Variants in RNLS observed in about 807,000 individuals in gnomAD.
The protein encoded by RNLS is renalase, FAD dependent amine oxidase.
RNLS carries 39 observed loss-of-function variants against 39.8 expected under a neutral mutation model. The ratio of observed to expected loss-of-function variants is 0.98; its 90% confidence interval spans 0.76 to 1.28. The LOEUF is 1.28. Among genes scored for constraint, RNLS ranks in the 50% most tolerant of loss-of-function variants. The probability of loss-of-function intolerance (pLI) is 0.00; values close to 1 mark genes in which losing one functional copy is unlikely to be tolerated. For synonymous variants in RNLS, 147 were observed against 150.7 expected (o/e 0.98, Z 0.18); for missense variants, 410 against 413.3 (o/e 0.99, Z 0.07).
chr10:88,554,692 T>C (rs761999293), intron 4 of RNLS, among the ~76,000 whole-genome samples: 4 of 151,982 alleles, frequency 2.6e-5, no homozygotes, highest in Non-Finnish European at 5.9e-5. Flanking sequence ...CCCTCCTTTG[T>C]GTATTATTTT....
At position 88,390,440 on chromosome 10, in the gene RNLS, A is replaced by G. The variant is rs1035097303; in HGVS notation, c.527-27715T>C. 1.3e-5 allele frequency among the ~76,000 whole-genome samples: 2 copies of G among 152,344 alleles called. 1 individual carries two copies. Among genetic ancestry groups the G allele is most frequent in the South Asian group, 4.1e-4 (2 of 4,822 alleles). On this transcript the variant is annotated intron_variant, in intron 4 of 6. Coordinates refer to ENST00000331772, the MANE Select transcript of RNLS (RefSeq NM_001031709.3). The stretch of plus-strand genomic sequence containing the variant: ...GGGGAAAAAAGTGTTTGAGCATCCA[A>G]TCCCCCAAAGTGTCTGCAAATTATT...
chr10:88,541,731 G>C (rs1224660704), intron 4 of RNLS, among the ~76,000 whole-genome samples: 2 of 152,152 alleles, frequency 1.3e-5, no homozygotes, highest in Non-Finnish European at 2.9e-5. Context: ...ATGTATTCTT[G>C]TCTGGGTCTG....
chr10:88,354,715 T>C (rs1849012808), intron 5 of RNLS, among the ~76,000 whole-genome samples: 1 of 152,132 alleles, frequency 6.6e-6, no homozygotes, highest in Non-Finnish European at 1.5e-5. Context: ...TTCTCGACAA[T>C]TATCTTTGTG....
At chr10:88,579,284 C>A (rs1025533547) in intron 3 of RNLS, among the ~76,000 whole-genome samples, 1 of 152,176 alleles carries the variant, frequency 6.6e-6, no homozygotes, top group African/African-American at 2.4e-5. Context: ...ATGACCCTCT[C>A]TGGAACTGTT....
intron 4 of RNLS, among the ~76,000 whole-genome samples, chr10:88,529,348 G>A (rs1476963227): frequency 6.6e-6 from 1 of 152,166 alleles, no homozygotes; most frequent in Non-Finnish European, 1.5e-5. Flanking sequence ...GCCTCTGACT[G>A]GGTGGGCAGG....
rs559627798 is a variant in RNLS, at chr10:88,449,659, C to T, written c.527-86934G>A. Among the ~76,000 whole-genome samples the T allele has an allele frequency of 5.5e-4, 83 of 152,240 alleles. 1 individual carries two copies. Among genetic ancestry groups the T allele is most frequent in the African/African-American group, 1.1e-3 (45 of 41,542 alleles). ...CAGGTGCTCTGAGGAATATAAAAGA[C>T]GTCTCTGACTTCTCTGCCCTAAGGA... On this transcript the variant is annotated intron_variant, in intron 4 of 6. Coordinates refer to ENST00000331772, the MANE Select transcript of RNLS (RefSeq NM_001031709.3).
intron 4 of RNLS, among the ~76,000 whole-genome samples, chr10:88,443,547 G>C (rs1229110418): frequency 6.6e-6 from 1 of 152,216 alleles, no homozygotes; most frequent in East Asian, 1.9e-4. Flanking sequence ...CAAGGGGTCA[G>C]GGAATTTCCT....
chr10:88,395,402 T>G (rs72820020), intron 4 of RNLS, among the ~76,000 whole-genome samples: 11,101 of 151,600 alleles, frequency 0.073, 565 homozygotes, highest in Admixed American at 0.15. Context: ...AATAAATAGA[T>G]AGAAATATAA....
At chr10:88,424,591 C>T (rs1283762416) in intron 4 of RNLS, among the ~76,000 whole-genome samples, 1 of 152,080 alleles carries the variant, frequency 6.6e-6, no homozygotes, top group East Asian at 1.9e-4. Flanking sequence ...AGTGTTCTAT[C>T]ACATCTAAAA....
intron 4 of RNLS, among the ~76,000 whole-genome samples, chr10:88,527,019 T>G (rs1278629948): frequency 6.6e-6 from 1 of 151,888 alleles, no homozygotes. Context: ...GATCTGCATA[T>G]TTCTTCCTCC....
intron 6 of RNLS, among the ~76,000 whole-genome samples, chr10:88,277,227 A>G (rs1238688986): frequency 6.6e-6 from 1 of 152,212 alleles, no homozygotes; most frequent in East Asian, 1.9e-4. Context: ...TCACAAGGAC[A>G]GAAAACCAAA....
At chr10:88,203,593 T>C in the RNLS span, among the ~76,000 whole-genome samples, 1 of 149,224 alleles carries the variant, frequency 6.7e-6, no homozygotes, top group South Asian at 2.1e-4. Flanking sequence ...AAAATAAAGA[T>C]TCCAGAGCTC....
chr10:88,245,004 G>A, the RNLS span, among the ~76,000 whole-genome samples: 18 of 152,264 alleles, frequency 1.2e-4, no homozygotes, highest in South Asian at 3.3e-3. Flanking sequence ...CAGTTGAGTG[G>A]TCAGATGTCA....
At chr10:88,282,743 G>T (rs1254701110), downstream of RNLS, among the ~76,000 whole-genome samples, 1 of 151,928 alleles carries the variant, frequency 6.6e-6, no homozygotes, top group Non-Finnish European at 1.5e-5. Flanking sequence ...TTCTCCTTCA[G>T]AAATGCCAAA....
At chr10:88,295,853 A>C (rs1844056651) in intron 6 of RNLS, among the ~76,000 whole-genome samples, 1 of 152,188 alleles carries the variant, frequency 6.6e-6, no homozygotes, top group African/African-American at 2.4e-5. Context: ...ATTTAGATCT[A>C]TTCTATCTTT....
At chr10:88,422,428 G>A (rs1854463623) in intron 4 of RNLS, among the ~76,000 whole-genome samples, 1 of 152,146 alleles carries the variant, frequency 6.6e-6, no homozygotes. Context: ...GTATTTCCTT[G>A]AAGGAATTAG....
downstream of RNLS, among the ~76,000 whole-genome samples, chr10:88,271,728 G>C (rs1229061271): frequency 6.6e-6 from 1 of 152,108 alleles, no homozygotes; most frequent in Non-Finnish European, 1.5e-5. Context: ...GCCAAGTATG[G>C]GTTGCATATG....
intron 1 of RNLS, 123 bp downstream of exon 1, chr10:88,582,950 G>A: frequency 2.6e-6 from 3 of 1,165,004 alleles, no homozygotes; most frequent in South Asian, 1.7e-5. Flanking sequence ...GCGCTACACG[G>A]CCGCTCAGGG....
rs114572566 is a variant in RNLS, at chr10:88,427,889, C to T, written c.527-65164G>A. On this transcript the variant is annotated intron_variant, in intron 4 of 6. Transcript: ENST00000331772. Reference sequence around the variant, plus strand: ...AACTACAGCATGGTTAAGTAAGTTCCTCCCAGTCAAAAAGCTGAGTAGCAG... The same window carrying T: ...AACTACAGCATGGTTAAGTAAGTTCTTCCCAGTCAAAAAGCTGAGTAGCAG... Among the ~76,000 whole-genome samples, 922 of 152,000 alleles carry T rather than the reference C, an allele frequency of 6.1e-3. 11 individuals are homozygous for T. The highest frequency in any genetic ancestry group is 0.021 in the African/African-American group (872 of 41,494).
Sources: allele counts gnomAD v4.1 joint callset (sites outside exome capture counted in the v4.1 genomes callset), GRCh38; gene constraint gnomAD v4.1.1; transcripts MANE v1.5; gene names NCBI Gene and HGNC (gene_info 2026-07-23, HGNC 2026-07-21).